LYZL4: variants seen among roughly 807,000 people sequenced by gnomAD.
The protein encoded by LYZL4 is lysozyme like 4, also known as lysozyme-like protein 4.
Under a neutral mutation model 17.6 loss-of-function variants are expected in LYZL4, and 13 were observed. The observed-to-expected ratio is 0.74, with a 90% CI of 0.48 to 1.18. The LOEUF (loss-of-function observed/expected upper bound fraction) is 1.18. LYZL4 is among the 50% of genes most tolerant of loss of function. LYZL4 has a pLI of 0.00. For missense variants in LYZL4, 174 were observed against 188.2 expected, an observed-to-expected ratio of 0.92 and a Z score of 0.44; for synonymous variants, 64 against 67.7, an observed-to-expected ratio of 0.95 and a Z score of 0.27.
At chr3:42,405,189 T>C (rs549968887) in intron 3 of LYZL4, among the ~76,000 whole-genome samples, 2 of 152,204 alleles carry the variant, frequency 1.3e-5, no homozygotes, top group South Asian at 2.1e-4. Flanking sequence ...GCTGGGACTA[T>C]AGGCGCCTGC....
chr3:42,406,624 C>T (rs1698758689), intron 3 of LYZL4, among the ~76,000 whole-genome samples: 1 of 152,124 alleles, frequency 6.6e-6, no homozygotes, highest in Non-Finnish European at 1.5e-5. Context: ...CAGGGGTCTC[C>T]ATCACTCCAT....
intron 1 of LYZL4, among the ~76,000 whole-genome samples, chr3:42,410,161 C>T (rs368961425): frequency 1.4e-3 from 206 of 152,260 alleles, no homozygotes; most frequent in African/African-American, 4.8e-3. Context: ...TTTCTCTCTC[C>T]CATACCTGAG....
At chr3:42,368,408 C>T in the LYZL4 span, among the ~76,000 whole-genome samples, 3 of 152,122 alleles carry the variant, frequency 2.0e-5, no homozygotes, top group African/African-American at 4.8e-5. Flanking sequence ...GGGCTGAGAA[C>T]GTTTTAGAAC....
At chr3:42,392,630 G>T (rs1255562751), downstream of LYZL4, among the ~76,000 whole-genome samples, 2 of 152,166 alleles carry the variant, frequency 1.3e-5, no homozygotes, top group African/African-American at 4.8e-5. Context: ...GAGCACAGGG[G>T]ATGAGGGTGC....
chr3:42,374,033 G>A, the LYZL4 span, among the ~76,000 whole-genome samples: 3 of 152,128 alleles, frequency 2.0e-5, no homozygotes, highest in Non-Finnish European at 2.9e-5. Flanking sequence ...TAGAAACCGA[G>A]TTCCCAGTAG....
intron 4 of LYZL4, among the ~76,000 whole-genome samples, chr3:42,402,228 C>T (rs375172780): frequency 5.3e-5 from 8 of 151,254 alleles, no homozygotes; most frequent in Admixed American, 6.6e-5. Flanking sequence ...ATCACTTGAG[C>T]CCAGGAGTTC....
chr3:42,391,276 T>C, the LYZL4 span, among the ~76,000 whole-genome samples: 3 of 152,186 alleles, frequency 2.0e-5, no homozygotes, highest in African/African-American at 7.2e-5. Context: ...AAGAAATATA[T>C]ACATATTTAG....
rs560495254 is a variant in LYZL4, at chr3:42,403,533, C to T, written c.371+513G>A. On this transcript the variant is annotated intron_variant, in intron 4 of 4. Transcript: ENST00000287748. The stretch of plus-strand genomic sequence containing the variant: ...TCAGGTGATCCAACTACCTCAGCCT[C>T]CCAAAGTGCTAGGATTACAGGTGTG... 3.3e-5 allele frequency among the ~76,000 whole-genome samples: 5 copies of T among 152,238 alleles called. No individual in the cohort carries two copies. The East Asian group carries it at 5.8e-4, about 18-fold the overall frequency.
the LYZL4 span, among the ~76,000 whole-genome samples, chr3:42,365,921 A>C: frequency 6.6e-6 from 1 of 152,196 alleles, no homozygotes; most frequent in Non-Finnish European, 1.5e-5. Flanking sequence ...TAAACAAGTA[A>C]AACAGCTACT....
chr3:42,360,862 T>C, the LYZL4 span, among the ~76,000 whole-genome samples: 1 of 152,170 alleles, frequency 6.6e-6, no homozygotes, highest in African/African-American at 2.4e-5. Context: ...TTTTTTCTTT[T>C]CTCGTCATAT....
chr3:42,364,491 C>G, the LYZL4 span, among the ~76,000 whole-genome samples: 1 of 151,594 alleles, frequency 6.6e-6, no homozygotes, highest in African/African-American at 2.4e-5. Context: ...TACAGGCACT[C>G]GCCACCTCGC....
the LYZL4 span, among the ~76,000 whole-genome samples, chr3:42,370,576 T>C: frequency 1.3e-5 from 2 of 152,216 alleles, no homozygotes; most frequent in African/African-American, 4.8e-5. Context: ...ATGTTTGTTG[T>C]TGTGAACCAC....
the LYZL4 span, among the ~76,000 whole-genome samples, chr3:42,387,818 C>T: frequency 2.0e-5 from 3 of 152,172 alleles, no homozygotes; most frequent in Non-Finnish European, 4.4e-5. Context: ...AGGGCTACCC[C>T]TCCCACCCAG....
At chr3:42,385,707 T>C in the LYZL4 span, among the ~76,000 whole-genome samples, 23 of 152,186 alleles carry the variant, frequency 1.5e-4, no homozygotes, top group African/African-American at 5.3e-4. Context: ...CCCTGTGGAC[T>C]CTAAGTTATT....
At chr3:42,383,718 C>T in the LYZL4 span, among the ~76,000 whole-genome samples, 1 of 151,864 alleles carries the variant, frequency 6.6e-6, no homozygotes, top group Non-Finnish European at 1.5e-5. Flanking sequence ...GAGAAAGAAA[C>T]ATTCAGAGAG....
the LYZL4 span, among the ~76,000 whole-genome samples, chr3:42,366,241 T>C: frequency 1.3e-5 from 2 of 152,214 alleles, no homozygotes; most frequent in African/African-American, 4.8e-5. Flanking sequence ...GGCCCTCGTG[T>C]GTGTCTCCCA....
the LYZL4 span, among the ~76,000 whole-genome samples, chr3:42,377,122 G>C: frequency 2.0e-5 from 3 of 152,154 alleles, no homozygotes; most frequent in African/African-American, 7.2e-5. Flanking sequence ...GAAGCAGTAG[G>C]ACAGTATTCC....
intron 4 of LYZL4, among the ~76,000 whole-genome samples, chr3:42,399,465 T>C (rs965600955): frequency 1.1e-4 from 16 of 152,242 alleles, no homozygotes; most frequent in African/African-American, 3.6e-4. Flanking sequence ...ATAAATTACC[T>C]GCAACATCTA....
chr3:42,388,338 G>A, the LYZL4 span, among the ~76,000 whole-genome samples: 2 of 152,122 alleles, frequency 1.3e-5, no homozygotes, highest in Non-Finnish European at 2.9e-5. Flanking sequence ...TCTTAAAAGT[G>A]GAAATGACAA....
Sources: gnomAD v4.1 joint callset for allele counts (sites outside exome capture counted in the v4.1 genomes callset) on GRCh38, gnomAD v4.1.1 for gene constraint, MANE v1.5 for transcripts, NCBI Gene and HGNC (gene_info 2026-07-23, HGNC 2026-07-21) for gene names.